The following C12orf56 variants were observed in gnomAD, a reference collection of about 807,000 sequenced individuals.
C12orf56 encodes chromosome 12 open reading frame 56.
Under a neutral mutation model 69.9 loss-of-function variants are expected in C12orf56, and 71 were observed. The ratio of observed to expected loss-of-function variants is 1.02; its 90% CI spans 0.84 to 1.24. The LOEUF (loss-of-function observed/expected upper bound fraction) is 1.24. C12orf56 is among the 50% of genes most tolerant of loss of function. The pLI is 0.00. For synonymous variants in C12orf56, 276 were observed against 274.1 expected (o/e 1.01, Z -0.07); for missense variants, 732 against 738.5 (o/e 0.99, Z 0.10).
chr12:64,323,043 CAAGT>C (rs1332906964), intron 3 of C12orf56, among the ~76,000 whole-genome samples: 11 of 152,164 alleles, frequency 7.2e-5, no homozygotes, highest in Admixed American at 3.9e-4. Context: ...AAATTCAATA[CAAGT>C]AAGTGTGTGA....
At chr12:64,328,140 C>A (rs1179895275) in intron 3 of C12orf56, among the ~76,000 whole-genome samples, 1 of 152,080 alleles carries the variant, frequency 6.6e-6, no homozygotes, top group African/African-American at 2.4e-5. Context: ...GGCCCCTCCC[C>A]AGCAAGCTAA....
At position 64,390,555 on chromosome 12, in the gene C12orf56, G is replaced by C; in HGVS notation, c.11C>G (p.Pro4Arg). ...GCGCGCGGGGAAGCCGGACGGCAAG[G>C]GGCTGGCCATGCCCGGCGCCCGCAG... The part of the protein sequence containing the change: MAS[P>R]LPSGFPARRN... The change falls in exon 1 of 13, where the codon CCC becomes CGC. Residue 4 changes from proline to arginine, a missense_variant. Transcript: ENST00000543942. 1 of 1,584,646 alleles carries C rather than the reference G, an allele frequency of 6.3e-7. No individual in the cohort carries two copies. The highest frequency in any genetic ancestry group is 1.1e-5 in the South Asian group (1 of 90,218).
At chr12:64,283,883 T>A (rs1292628702) in intron 8 of C12orf56, among the ~76,000 whole-genome samples, 1 of 151,426 alleles carries the variant, frequency 6.6e-6, no homozygotes, top group Non-Finnish European at 1.5e-5. Context: ...AAGATCTTCT[T>A]TGGGCCACAT....
chr12:64,320,111 A>G lies in C12orf56; in HGVS notation c.489-1131T>C, dbSNP rs565100623. ...GCTTGCCATTGTTCCTGCACAGCTAAGTGCCCGGGTTCGTCCTAATGGAGC... is the reference window on the plus strand; with the variant it reads ...GCTTGCCATTGTTCCTGCACAGCTAGGTGCCCGGGTTCGTCCTAATGGAGC... On this transcript the variant is annotated intron_variant, in intron 3 of 12. Transcript: ENST00000543942. 1.3e-3 allele frequency among the ~76,000 whole-genome samples: 194 copies of G among 152,318 alleles called. 1 individual carries two copies. The highest frequency in any genetic ancestry group is 4.4e-3 in the African/African-American group (182 of 41,582).
intron 1 of C12orf56, among the ~76,000 whole-genome samples, chr12:64,371,899 ATTTCTTTTTTT>A (rs1169003899): frequency 1.4e-5 from 2 of 139,112 alleles, no homozygotes; most frequent in African/African-American, 2.8e-5. Context: ...CTTGGCAATG[ATTTCTTTTTTT>A]TTTTTTTTTT....
chr12:64,314,275 T>C lies in C12orf56; in HGVS notation c.895-1523A>G, dbSNP rs543833132. On this transcript the variant is annotated intron_variant, in intron 4 of 12. Coordinates refer to ENST00000543942, the MANE Select transcript of C12orf56 (RefSeq NM_001170633.2). The stretch of plus-strand genomic sequence containing the variant: ...CAATTTTTTACTTTTTATTTTTTAG[T>C]AGAGATGGCGTCTTGCTATGTTGAC... Among the ~76,000 whole-genome samples the C allele has an allele frequency of 5.9e-5, 9 of 152,164 alleles. 1 individual carries two copies. In the South Asian group the frequency reaches 1.7e-3, roughly 28 times the overall value.
chr12:64,302,101 T>C (rs974499343), intron 6 of C12orf56, among the ~76,000 whole-genome samples: 2 of 152,230 alleles, frequency 1.3e-5, no homozygotes, highest in African/African-American at 4.8e-5. Context: ...CTAATTTATT[T>C]ACCCTTTCCA....
intron 5 of C12orf56, 129 bp from the exon 6 acceptor site, chr12:64,303,908 T>A: frequency 9.4e-7 from 1 of 1,064,462 alleles, no homozygotes; most frequent in Non-Finnish European, 1.3e-6. Flanking sequence ...TTTATTCTCC[T>A]AGCCTTAATA....
intron 3 of C12orf56, among the ~76,000 whole-genome samples, chr12:64,322,004 T>TTTA (rs71092955): frequency 0.26 from 38,728 of 148,450 alleles, 5,456 homozygotes; most frequent in Middle Eastern, 0.35. Flanking sequence ...ATTTATTTAA[T>TTTA]TTATTATTAT....
chr12:64,322,091 A>G (rs1394465936), intron 3 of C12orf56, among the ~76,000 whole-genome samples: 1 of 150,212 alleles, frequency 6.7e-6, no homozygotes, highest in Non-Finnish European at 1.5e-5. Flanking sequence ...GCGATCCTCT[A>G]GCCTAGGCCT....
At chr12:64,280,601 G>A (rs2038108925) in intron 8 of C12orf56, among the ~76,000 whole-genome samples, 1 of 152,108 alleles carries the variant, frequency 6.6e-6, no homozygotes, top group South Asian at 2.1e-4. Context: ...AAAGATGAAG[G>A]GATTCTGAGA....
chr12:64,284,601 A>G (rs1162028853), intron 8 of C12orf56, 63 bp downstream of exon 8: 11 of 1,197,730 alleles, frequency 9.2e-6, no homozygotes, highest in Non-Finnish European at 1.3e-5. Context: ...TTTGGAAGAC[A>G]CTTAATAAGA....
At chr12:64,308,192 C>T (rs1291011483) in intron 5 of C12orf56, among the ~76,000 whole-genome samples, 1 of 150,898 alleles carries the variant, frequency 6.6e-6, no homozygotes, top group African/African-American at 2.4e-5. Context: ...CATGCTGGTG[C>T]ACATCTGTAG....
intron 1 of C12orf56, among the ~76,000 whole-genome samples, chr12:64,372,913 T>C (rs1205884608): frequency 6.6e-6 from 1 of 152,210 alleles, no homozygotes; most frequent in Admixed American, 6.5e-5. Context: ...CATTTTTCTC[T>C]GCCTAGAAAC....
intron 1 of C12orf56, among the ~76,000 whole-genome samples, chr12:64,367,003 T>C (rs188709912): frequency 0.079 from 5,476 of 69,390 alleles, 361 homozygotes; most frequent in East Asian, 0.23. Flanking sequence ...ACACTTTATA[T>C]ATTATATATA....
chr12:64,325,392 A>AGAAGAAG (rs71092956), intron 3 of C12orf56, among the ~76,000 whole-genome samples: 1 of 145,728 alleles, frequency 6.9e-6, no homozygotes, highest in Non-Finnish European at 1.5e-5. Context: ...AAGAAGAAGA[A>AGAAGAAG]AAGAAGCAGC....
At chr12:64,313,768 G>C (rs567753605) in intron 4 of C12orf56, among the ~76,000 whole-genome samples, 4 of 151,114 alleles carry the variant, frequency 2.6e-5, no homozygotes, top group Non-Finnish European at 5.9e-5. Context: ...TTTACAGCCC[G>C]GCCCAGTGGC....
rs1241594239 is a variant in C12orf56 at position 64,381,673 on chromosome 12, T to G, written c.252+8641A>C. Among the ~76,000 whole-genome samples the G allele has an allele frequency of 2.0e-5, 3 of 152,246 alleles. No individual in the cohort carries two copies. In the East Asian group the frequency reaches 5.8e-4, roughly 29 times the overall value. On this transcript the variant is annotated intron_variant, in intron 1 of 12. Coordinates refer to ENST00000543942, the MANE Select transcript of C12orf56 (RefSeq NM_001170633.2). ...ATTTTGCAATGGTAGTTCCACCAAC[T>G]GCTATATGGGAAGGAATGAGTTTGG...
chr12:64,389,814 T>C (rs960603921), intron 1 of C12orf56, among the ~76,000 whole-genome samples: 3 of 152,182 alleles, frequency 2.0e-5, no homozygotes, highest in South Asian at 2.1e-4. Context: ...TTTATTCTTA[T>C]TGAGCATCTA....
Sources: gnomAD v4.1 joint callset for allele counts (sites outside exome capture counted in the v4.1 genomes callset) on GRCh38, gnomAD v4.1.1 for gene constraint, MANE v1.5 for transcripts, NCBI Gene and HGNC (gene_info 2026-07-23, HGNC 2026-07-21) for gene names.